Variants in GRID2 observed in about 807,000 individuals in gnomAD.
GRID2 encodes the protein glutamate ionotropic receptor delta type subunit 2, also known as glutamate receptor ionotropic, delta-2.
Under a neutral mutation model 114.8 loss-of-function variants are expected in GRID2, and 33 were observed. The observed-to-expected ratio is 0.29, with a 90% CI of 0.22 to 0.38. The LOEUF (loss-of-function observed/expected upper bound fraction) is 0.38, where lower values mean the gene tolerates loss of function less well. GRID2 is among the 10% of genes least tolerant of loss of function. GRID2 has a pLI of 1.00. For synonymous variants in GRID2, 505 were observed against 449.9 expected (o/e 1.12, Z -1.55); for missense variants, 1,184 against 1,257.7 (o/e 0.94, Z 0.89).
At chr4:93,375,305 C>T (rs982351142) in intron 8 of GRID2, among the ~76,000 whole-genome samples, 4 of 151,294 alleles carry the variant, frequency 2.6e-5, no homozygotes, top group Admixed American at 6.6e-5. Flanking sequence ...CTCTGCCTCC[C>T]GGGTTCAAGT....
intron 4 of GRID2, among the ~76,000 whole-genome samples, chr4:93,198,887 A>C (rs916121130): frequency 6.6e-6 from 1 of 152,162 alleles, no homozygotes; most frequent in African/African-American, 2.4e-5. Flanking sequence ...CATAAATCCT[A>C]GCAATTAAGT....
intron 2 of GRID2, among the ~76,000 whole-genome samples, chr4:92,746,606 A>G (rs1298178060): frequency 1.3e-5 from 2 of 152,116 alleles, no homozygotes; most frequent in African/African-American, 4.8e-5. Flanking sequence ...ATCTCTGTTT[A>G]TCAGCTACAA....
chr4:92,527,862 C>T (rs1042116866), intron 1 of GRID2, among the ~76,000 whole-genome samples: 1 of 151,814 alleles, frequency 6.6e-6, no homozygotes, highest in African/African-American at 2.4e-5. Context: ...TTTATGTGAA[C>T]ATAGCATTAT....
At chr4:93,732,542 T>G (rs1343528033) in intron 14 of GRID2, among the ~76,000 whole-genome samples, 1 of 152,194 alleles carries the variant, frequency 6.6e-6, no homozygotes, top group East Asian at 1.9e-4. Context: ...AAAGCAAGAT[T>G]TTTCTTGGCA....
At chr4:93,407,933 A>T (rs981149958) in intron 9 of GRID2, among the ~76,000 whole-genome samples, 1 of 152,036 alleles carries the variant, frequency 6.6e-6, no homozygotes, top group Non-Finnish European at 1.5e-5. Context: ...GGGAAAACAA[A>T]ATATTCAGAC....
At chr4:93,137,368 A>G (rs1450427149) in intron 4 of GRID2, among the ~76,000 whole-genome samples, 2 of 152,150 alleles carry the variant, frequency 1.3e-5, no homozygotes, top group Non-Finnish European at 2.9e-5. Context: ...CTTGCCCTTG[A>G]GAAATTTGCA....
chr4:92,994,361 G>C (rs1755075342), intron 2 of GRID2, among the ~76,000 whole-genome samples: 1 of 151,964 alleles, frequency 6.6e-6, no homozygotes, highest in Non-Finnish European at 1.5e-5. Flanking sequence ...TTGTTTGTTT[G>C]TTTGTTTTGA....
intron 5 of GRID2, among the ~76,000 whole-genome samples, chr4:93,211,433 A>G: frequency 6.6e-6 from 1 of 152,128 alleles, no homozygotes; most frequent in East Asian, 1.9e-4. Context: ...AAATATTGTC[A>G]TTAAGTGGAT....
chr4:92,998,915 AT>A (rs963077747), intron 2 of GRID2, among the ~76,000 whole-genome samples: 1 of 151,796 alleles, frequency 6.6e-6, no homozygotes, highest in Non-Finnish European at 1.5e-5. Context: ...TCTAGAATTT[AT>A]TTTTTTGGAC....
chr4:92,861,348 G>T (rs1744519293), intron 2 of GRID2, among the ~76,000 whole-genome samples: 1 of 152,064 alleles, frequency 6.6e-6, no homozygotes, highest in Non-Finnish European at 1.5e-5. Context: ...CTAATCATAG[G>T]AGTAAAATCT....
chr4:93,565,658 T>C (rs1178074167), intron 13 of GRID2, among the ~76,000 whole-genome samples: 2 of 152,164 alleles, frequency 1.3e-5, no homozygotes, highest in Non-Finnish European at 2.9e-5. Flanking sequence ...AAAAGTATGG[T>C]TCACATGCAG....
rs1046282837 is a variant in GRID2 at position 93,345,226 on chromosome 4, CTT to C, written c.1246-50377_1246-50376del. On this transcript the variant is annotated intron_variant, in intron 8 of 15. Transcript: ENST00000282020. Reference sequence around the variant, plus strand: ...TCCAATTTTTAATTTTTTGGGGAAACTTTTTATTGTTTTCTATAATAGCTATA... The same window carrying C: ...TCCAATTTTTAATTTTTTGGGGAAACTTTATTGTTTTCTATAATAGCTATA... 3.2e-4 allele frequency among the ~76,000 whole-genome samples: 48 copies of C among 151,886 alleles called. 1 individual carries two copies. The highest frequency in any genetic ancestry group is 1.3e-4 in the Non-Finnish European group (9 of 67,922).
At chr4:93,616,643 C>G (rs1741688876) in intron 13 of GRID2, among the ~76,000 whole-genome samples, 1 of 148,324 alleles carries the variant, frequency 6.7e-6, no homozygotes, top group Non-Finnish European at 1.5e-5. Context: ...AGTTTATAGA[C>G]TAAACAAAAC....
intron 7 of GRID2, 61 bp from the exon 8 acceptor site, chr4:93,238,310 T>G: frequency 4.0e-6 from 5 of 1,258,516 alleles, no homozygotes; most frequent in Non-Finnish European, 4.5e-6. Flanking sequence ...GTTCCTTTTA[T>G]GTTTATTTAT....
Position 92,929,381 on chromosome 4 carries a change from T to G in GRID2, c.245-155614T>G, listed in dbSNP as rs536617374. ...ATTTTATATAACACCTATATTTTGA[T>G]TAAAAAAATTATTTCTTCTTTAAAA... On this transcript the variant is annotated intron_variant, in intron 2 of 15. Coordinates refer to ENST00000282020, the MANE Select transcript of GRID2 (RefSeq NM_001510.4). 2.3e-4 allele frequency among the ~76,000 whole-genome samples: 35 copies of G among 151,416 alleles called. 2 individuals are homozygous for G. The South Asian group carries it at 7.3e-3, about 31-fold the overall frequency.
At position 92,911,315 on chromosome 4, in the gene GRID2, G is replaced by A. The variant is rs117827142; in HGVS notation, c.245-173680G>A. Among the ~76,000 whole-genome samples, 248 of 152,088 alleles carry A rather than the reference G, an allele frequency of 1.6e-3. 5 individuals carry two copies. In the South Asian group the frequency reaches 0.025, roughly 15 times the overall value. ...GGACCATACATTTCATACAGGTATT[G>A]ACATTAAAGTGTTCTACTTACCTTT... On this transcript the variant is annotated intron_variant, in intron 2 of 15. Transcript: ENST00000282020.
chr4:92,961,988 G>C (rs140656525), intron 2 of GRID2, among the ~76,000 whole-genome samples: 1 of 151,656 alleles, frequency 6.6e-6, no homozygotes, highest in Non-Finnish European at 1.5e-5. Context: ...TACTTTTACA[G>C]TGTTTTTGAG....
chr4:92,442,791 C>T (rs1252496376), intron 1 of GRID2, among the ~76,000 whole-genome samples: 2 of 152,148 alleles, frequency 1.3e-5, no homozygotes, highest in Admixed American at 6.5e-5. Context: ...AGAGCCTAAA[C>T]GCTATCTGAT....
intron 2 of GRID2, among the ~76,000 whole-genome samples, chr4:92,869,424 C>A (rs1363312198): frequency 6.6e-6 from 1 of 152,126 alleles, no homozygotes; most frequent in Non-Finnish European, 1.5e-5. Flanking sequence ...ATGAGCTGAT[C>A]GAAGTTTTCT....
Sources: allele counts gnomAD v4.1 joint callset (sites outside exome capture counted in the v4.1 genomes callset), GRCh38; gene constraint gnomAD v4.1.1; transcripts MANE v1.5; gene names NCBI Gene and HGNC (gene_info 2026-07-23, HGNC 2026-07-21).